The following GPR75 variants were observed in gnomAD, a reference collection of about 807,000 sequenced individuals.
GPR75 encodes probable G protein-coupled receptor 75.
GPR75 carries 27 observed loss-of-function variants against 26.0 expected under a neutral mutation model. The ratio of observed to expected loss-of-function variants is 1.04; its 90% confidence interval spans 0.77 to 1.43. GPR75 has a LOEUF of 1.43. Among genes scored for constraint, GPR75 ranks in the 40% most tolerant of loss-of-function variants. GPR75 has a pLI of 0.00. For synonymous variants in GPR75, 285 were observed against 256.3 expected (o/e 1.11, Z -1.07); for missense variants, 699 against 662.3 (o/e 1.06, Z -0.61).
At position 53,853,675 on chromosome 2, in the gene GPR75, C is replaced by G; in HGVS notation, c.1082G>C (p.Gly361Ala). The G allele has an allele frequency of 1.9e-6, 3 of 1,613,804 alleles. No individual in the cohort carries two copies. Among genetic ancestry groups the G allele is most frequent in the Non-Finnish European group, 2.5e-6 (3 of 1,179,740 alleles). The part of the protein sequence containing the change: ...SFILYQFELF[G>A]FTLIFFKSGL... ...TGACTTGAAAAATATAAGAGTAAATCCAAACAATTCAAACTGGTAAAGAAT... is the reference window on the plus strand; with the variant it reads ...TGACTTGAAAAATATAAGAGTAAATGCAAACAATTCAAACTGGTAAAGAAT... The change falls in exon 2 of 2, where the codon GGA becomes GCA. Residue 361 changes from glycine (G) to alanine (A), a missense_variant. Coordinates refer to ENST00000394705, the MANE Select transcript of GPR75 (RefSeq NM_006794.4).
At chr2:53,857,370 G>C (rs1047373223) in intron 1 of GPR75, among the ~76,000 whole-genome samples, 6 of 152,162 alleles carry the variant, frequency 3.9e-5, no homozygotes, top group Admixed American at 3.3e-4. Context: ...GAGGCAGGAA[G>C]AGCAGGGAGG....
chr2:53,855,126 T>C (rs985197937), intron 1 of GPR75, among the ~76,000 whole-genome samples: 29 of 151,074 alleles, frequency 1.9e-4, no homozygotes, highest in African/African-American at 6.8e-4. Context: ...CAGCTCTCTC[T>C]CTCTCTTTTT....
chr2:53,854,681 T>C lies in GPR75; in HGVS notation c.76A>G (p.Ser26Gly). The C allele has an allele frequency of 1.9e-6, 3 of 1,614,080 alleles. No individual in the cohort carries two copies. Among genetic ancestry groups the C allele is most frequent in the Non-Finnish European group, 2.5e-6 (3 of 1,179,982 alleles). The change falls in exon 2 of 2, where the codon AGC becomes GGC. Residue 26 changes from serine to glycine, a missense_variant. Ser to Gly is a moderately conservative substitution (Grantham distance 56, BLOSUM62 0). Transcript: ENST00000394705. ...TGAAGACCCTCCTGGAGAGAGGTGC[T>C]GTTTCCTTCCTGTGAGTGAGGCACA... is the stretch of plus-strand genomic sequence containing the variant. The part of the protein sequence containing the change: ...LHVPHSQEGN[S>G]TSLQEGLQDL...
At chr2:53,859,721 G>C in intron 1 of GPR75, 107 bp downstream of exon 1, 2 of 775,412 alleles carry the variant, frequency 2.6e-6, no homozygotes, top group African/African-American at 1.8e-5. Context: ...GGTACGCGGA[G>C]CCGGGCCTGG....
Position 53,853,811 on chromosome 2 carries a change from C to G in GPR75, c.946G>C (p.Asp316His). ...VSAINLSTAK[D>H]SKAVVTCVII... The stretch of plus-strand genomic sequence containing the variant: ...ACACAGGTGACCACGGCTTTGGAAT[C>G]CTTGGCAGTGGAGAGGTTGATGGCT... The change falls in exon 2 of 2, where the codon GAT becomes CAT. Residue 316 changes from aspartate (D) to histidine (H), a missense_variant. Physicochemically the swap from Asp to His is moderately conservative, Grantham distance 81. Coordinates refer to ENST00000394705, the MANE Select transcript of GPR75 (RefSeq NM_006794.4). The G allele has an allele frequency of 6.2e-7, 1 of 1,614,194 alleles. No individual in the cohort carries two copies. The highest frequency in any genetic ancestry group is 8.5e-7 in the Non-Finnish European group (1 of 1,180,036).
chr2:53,857,125 G>A (rs1311339574), intron 1 of GPR75, among the ~76,000 whole-genome samples: 6 of 149,794 alleles, frequency 4.0e-5, no homozygotes, highest in African/African-American at 4.9e-5. Flanking sequence ...CACCGTGCCC[G>A]GCTAATTTTT....
At position 53,859,808 on chromosome 2, in the gene GPR75, AG is replaced by A; in HGVS notation, c.-110+19del. 1 of 1,520,212 alleles carries A rather than the reference AG, an allele frequency of 6.6e-7. No homozygotes were observed. 94.2% of individuals were successfully genotyped at this position (1,520,212 alleles called of 1,614,324 possible). ...CGGCATCGTGGGGTTGTCCTCCTCC[AG>A]GGGCCCGCGGCCTCTCACCTGCCGG... On this transcript the variant is annotated intron_variant, in intron 1 of 1. Transcript: ENST00000394705.
rs115725196 is a variant in GPR75 at position 53,859,396 on chromosome 2, G to C, written c.-110+432C>G. 6.0e-3 allele frequency among the ~76,000 whole-genome samples: 918 copies of C among 152,244 alleles called. 6 individuals carry two copies. The highest frequency in any genetic ancestry group is 0.01 in the Non-Finnish European group (681 of 68,024). On this transcript the variant is annotated intron_variant, in intron 1 of 1. Transcript: ENST00000394705. ...ATGGGAAGACCTGAGTCATTTGATG[G>C]GAGGGATGAAGAGGCCAGGGAGCCC... is the stretch of plus-strand genomic sequence containing the variant.
In GPR75 at chr2:53,854,102, A is replaced by G. The variant is rs1678163697; in HGVS notation, c.655T>C (p.Ser219Pro). ...TGAGCAATCATGATGTAAGAGACAG[A>G]GACCACAGCAACACAGAAGGTGAAG... Reference protein sequence around the residue: ...VDFTFCVAVVSVSYIMIAQTL... With the variant: ...VDFTFCVAVVPVSYIMIAQTL... Residue 219 changes from serine (S) to proline (P), a missense_variant, in exon 2 of 2, where the codon TCT becomes CCT. Coordinates refer to ENST00000394705, the MANE Select transcript of GPR75 (RefSeq NM_006794.4). 1 of 1,614,228 alleles carries G rather than the reference A, an allele frequency of 6.2e-7. No individual in the cohort carries two copies. Among genetic ancestry groups the G allele is most frequent in the South Asian group, 1.1e-5 (1 of 91,084 alleles).
intron 1 of GPR75, among the ~76,000 whole-genome samples, chr2:53,857,524 T>C (rs941457616): frequency 6.6e-6 from 1 of 151,728 alleles, no homozygotes; most frequent in Non-Finnish European, 1.5e-5. Context: ...CTAAGACAAA[T>C]GAAAAGTAAC....
intron 1 of GPR75, among the ~76,000 whole-genome samples, chr2:53,859,059 G>C: frequency 6.7e-6 from 1 of 150,112 alleles, no homozygotes; most frequent in South Asian, 2.1e-4. Flanking sequence ...AACAGCCTCT[G>C]ATATATCTAG....
In GPR75 at chr2:53,853,430, C is replaced by G. The variant is rs1678142005; in HGVS notation, c.1327G>C (p.Asp443His). Reference sequence around the variant, plus strand: ...GAATGACTTGGGCCACAAGCCTGGTCCACAAATTTCTTCTGTGGCTTTGGA... The same window carrying G: ...GAATGACTTGGGCCACAAGCCTGGTGCACAAATTTCTTCTGTGGCTTTGGA... ...LSPKPQKKFV[D>H]QACGPSHSKE... The change falls in exon 2 of 2, where the codon GAC (aspartate) becomes CAC (histidine). Residue 443 changes from aspartate to histidine, a missense_variant. By Grantham distance (81) the Asp-to-His change is moderately conservative. Transcript: ENST00000394705. 6.2e-7 allele frequency: 1 copy of G among 1,614,000 alleles called. No individual in the cohort carries two copies. The highest frequency in any genetic ancestry group is 1.3e-5 in the African/African-American group (1 of 74,912).
rs376986894 is a variant in GPR75 at position 53,853,853 on chromosome 2, G to A, written c.904C>T (p.Arg302Ter). The A allele has an allele frequency of 8.7e-6, 14 of 1,613,944 alleles. No individual in the cohort carries two copies. In the South Asian group the frequency reaches 8.8e-5, roughly 10 times the overall value. Residue 302 changes from arginine to a stop codon, truncating the protein, a stop_gained, in exon 2 of 2, where the codon CGA (arginine) becomes TGA (stop). Coordinates refer to ENST00000394705, the MANE Select transcript of GPR75 (RefSeq NM_006794.4). LOFTEE classifies it high-confidence loss of function. ...PNQLVTPAAS[R>*]LQLVSAINLS... is the part of the protein sequence containing the mutation. ...TTGATGGCTGATACGAGCTGGAGTCGGCTTGCTGCAGGGGTGACCAGTTGG... is the reference window on the plus strand; with the variant it reads ...TTGATGGCTGATACGAGCTGGAGTCAGCTTGCTGCAGGGGTGACCAGTTGG...
At chr2:53,856,920 T>C (rs1249603349) in intron 1 of GPR75, among the ~76,000 whole-genome samples, 1 of 151,266 alleles carries the variant, frequency 6.6e-6, no homozygotes, top group African/African-American at 2.4e-5. Flanking sequence ...CTGAACACTT[T>C]TGATACCTAT....
chr2:53,858,463 G>A (rs1381191823), intron 1 of GPR75, among the ~76,000 whole-genome samples: 1 of 149,094 alleles, frequency 6.7e-6, no homozygotes, highest in African/African-American at 2.5e-5. Context: ...GTATCTAACT[G>A]TAGTTCACAT....
intron 1 of GPR75, among the ~76,000 whole-genome samples, chr2:53,859,418 G>A (rs1678315565): frequency 6.6e-6 from 1 of 152,144 alleles, no homozygotes; most frequent in Non-Finnish European, 1.5e-5. Context: ...AGGCCAGGGA[G>A]CCCCCAGCCT....
chr2:53,859,955 G>A lies in GPR75; in HGVS notation c.-237C>T, dbSNP rs1678337165. On this transcript the variant is annotated 5_prime_UTR_variant, in exon 1 of 2. Coordinates refer to ENST00000394705, the MANE Select transcript of GPR75 (RefSeq NM_006794.4). ...GCCACCGCCTCCGCGCATCCCGGGA[G>A]CCGCGGCAAGACGCGGGCGCAGAGG... The A allele has an allele frequency of 1.4e-6, 2 of 1,480,996 alleles. No homozygotes were observed. The highest frequency in any genetic ancestry group is 2.9e-5 in the African/African-American group (2 of 68,314). The allele number at this position is 1,480,996 out of a possible 1,614,324, so 91.7% of individuals were successfully genotyped here.
chr2:53,855,826 A>AT (rs906315754), intron 1 of GPR75, among the ~76,000 whole-genome samples: 11 of 152,070 alleles, frequency 7.2e-5, no homozygotes, highest in African/African-American at 2.4e-4. Flanking sequence ...AGTATTTATA[A>AT]TTTTTCCCCC....
rs746727233 is a variant in GPR75, at chr2:53,854,329, C to T, written c.428G>A (p.Arg143Gln). Residue 143 changes from arginine (R) to glutamine (Q), a missense_variant, in exon 2 of 2, where the codon CGG becomes CAG. Arg to Gln is a conservative substitution (Grantham distance 43). Transcript: ENST00000394705. ...LKTVAVIALHRLRMVLGKQPN... is the reference protein window; with the variant it reads ...LKTVAVIALHQLRMVLGKQPN... ...CTGTTTCCCCAACACCATCCGGAGC[C>T]GGTGCAGGGCGATCACTGCCACTGT... 6.8e-6 allele frequency: 11 copies of T among 1,613,834 alleles called. No homozygotes were observed. The highest frequency in any genetic ancestry group is 9.3e-6 in the Non-Finnish European group (11 of 1,179,962).
Sources: gnomAD v4.1 joint callset for allele counts (sites outside exome capture counted in the v4.1 genomes callset) on GRCh38, gnomAD v4.1.1 for gene constraint, MANE v1.5 for transcripts, NCBI Gene and HGNC (gene_info 2026-07-23, HGNC 2026-07-21) for gene names.